Variants in ANO1 observed in about 807,000 individuals in gnomAD.
ANO1 encodes anoctamin 1.
ANO1 carries 59 observed loss-of-function variants against 124.0 expected under a neutral mutation model. That is an observed-to-expected ratio of 0.48 (90% CI 0.39 to 0.59). The LOEUF is 0.59. ANO1 is among the 20% of genes least tolerant of loss of function. The probability of loss-of-function intolerance (pLI) is 0.00; values close to 1 mark genes in which losing one functional copy is unlikely to be tolerated. For synonymous variants in ANO1, 529 were observed against 532.0 expected (o/e 0.99, Z 0.08); for missense variants, 1,059 against 1,328.0 (o/e 0.80, Z 3.15).
At chr11:70,064,396 GT>G (rs1565172138) in intron 1 of ANO1, 1 of 152,362 alleles carries the variant, frequency 6.6e-6, no homozygotes, top group Middle Eastern at 3.4e-3. Context: ...TTCCTGTGTG[GT>G]CCCTTGCTCT....
At chr11:69,967,575 C>G in the ANO1 span, among the ~76,000 whole-genome samples, 7 of 152,236 alleles carry the variant, frequency 4.6e-5, 1 homozygote, top group South Asian at 1.4e-3. Flanking sequence ...GCCATCCACC[C>G]CAGAGGACTC....
upstream of ANO1, among the ~76,000 whole-genome samples, chr11:69,984,330 C>A (rs966527412): frequency 6.5e-4 from 98 of 150,174 alleles, no homozygotes; most frequent in African/African-American, 2.3e-3. Flanking sequence ...CTGCCGCCCA[C>A]GGAGAATAAA....
At chr11:70,068,486 A>G (rs1448984043) in intron 1 of ANO1, among the ~76,000 whole-genome samples, 1 of 152,210 alleles carries the variant, frequency 6.6e-6, no homozygotes, top group Non-Finnish European at 1.5e-5. Flanking sequence ...TGCAGGGAGA[A>G]TAATAAGTTG....
intron 22 of ANO1, among the ~76,000 whole-genome samples, chr11:70,178,277 G>A (rs1415730625): frequency 3.3e-5 from 5 of 152,218 alleles, no homozygotes; most frequent in Admixed American, 6.5e-5. Flanking sequence ...ACTTTGTAGG[G>A]CTGTGCCATC....
intron 10 of ANO1, among the ~76,000 whole-genome samples, chr11:70,128,454 C>G (rs2046612390): frequency 6.6e-6 from 1 of 152,260 alleles, no homozygotes; most frequent in Admixed American, 6.5e-5. Context: ...TTCCTTCCTT[C>G]CCTTGGAGGG....
intron 1 of ANO1, among the ~76,000 whole-genome samples, chr11:70,055,516 A>G (rs1857419757): frequency 6.6e-6 from 1 of 152,012 alleles, no homozygotes; most frequent in South Asian, 2.1e-4. Flanking sequence ...TTTGCATGGA[A>G]TATTAGTATT....
At chr11:70,169,287 CA>C (rs2048367683) in intron 21 of ANO1, among the ~76,000 whole-genome samples, 1 of 152,140 alleles carries the variant, frequency 6.6e-6, no homozygotes, top group Non-Finnish European at 1.5e-5. Context: ...GGGAGTGGCT[CA>C]CCCGTTCCCC....
At chr11:69,999,575 A>G (rs984294496) in intron 1 of ANO1, among the ~76,000 whole-genome samples, 3 of 152,196 alleles carry the variant, frequency 2.0e-5, no homozygotes, top group African/African-American at 7.2e-5. Flanking sequence ...TGAGAACATA[A>G]CAGGATTCTA....
At chr11:70,026,336 GTGGTGGTGGTGGTGACGGTGA>G (rs1321922096) in intron 1 of ANO1, among the ~76,000 whole-genome samples, 69 of 150,028 alleles carry the variant, frequency 4.6e-4, no homozygotes, top group African/African-American at 1.6e-3. Flanking sequence ...GGTGGTGGTG[GTGGTGGTGGTGGTGACGGTGA>G]TGGTGGTGGT....
chr11:70,036,602 T>G (rs573371360), intron 1 of ANO1, among the ~76,000 whole-genome samples: 1 of 152,208 alleles, frequency 6.6e-6, no homozygotes, highest in East Asian at 1.9e-4. Context: ...TTTGTGTTTT[T>G]GTTTTGTTTT....
chr11:70,041,055 T>C (rs1290792081), intron 1 of ANO1, among the ~76,000 whole-genome samples: 6 of 152,160 alleles, frequency 3.9e-5, no homozygotes, highest in African/African-American at 1.4e-4. Flanking sequence ...GACTCTCCAT[T>C]GCCCTCCAGC....
Position 70,185,581 on chromosome 11 carries a change from CT to C in ANO1, c.2589-5del. 6.2e-7 allele frequency: 1 copy of C among 1,612,574 alleles called. No homozygotes were observed. The highest frequency in any genetic ancestry group is 8.5e-7 in the Non-Finnish European group (1 of 1,178,922). On this transcript the variant is annotated splice_region_variant and splice_polypyrimidine_tract_variant and intron_variant, in intron 24 of 25. Coordinates refer to ENST00000355303, the MANE Select transcript of ANO1 (RefSeq NM_018043.7). ...GTCCCACCCTCGACTCCACCACGGT[CT>C]TTTGCAGGTATAAAGACTACCGAGA... is the stretch of plus-strand genomic sequence containing the variant.
chr11:70,037,698 C>G (rs1020611243), intron 1 of ANO1, among the ~76,000 whole-genome samples: 1 of 152,114 alleles, frequency 6.6e-6, no homozygotes, highest in Admixed American at 6.5e-5. Context: ...ACTCTATACC[C>G]GAAGCACCTC....
At chr11:69,976,005 G>T in the ANO1 span, among the ~76,000 whole-genome samples, 14,700 of 152,192 alleles carry the variant, frequency 0.097, 977 homozygotes, top group Admixed American at 0.15. Flanking sequence ...GGCCCTTAGG[G>T]ACCGTGCCCG....
At chr11:70,011,556 C>G (rs191811770) in intron 1 of ANO1, among the ~76,000 whole-genome samples, 1 of 152,180 alleles carries the variant, frequency 6.6e-6, no homozygotes, top group Non-Finnish European at 1.5e-5. Flanking sequence ...CTCCCACAAC[C>G]CCCCACCTCT....
chr11:70,161,575 G>C, intron 17 of ANO1, 47 bp from the exon 18 acceptor site: 1 of 1,588,648 alleles, frequency 6.3e-7, no homozygotes, highest in Non-Finnish European at 8.6e-7. Context: ...AGGCTGTTGG[G>C]GGCCATCCCA....
At chr11:70,148,191 C>T (rs77939537) in intron 11 of ANO1, among the ~76,000 whole-genome samples, 169 of 152,264 alleles carry the variant, frequency 1.1e-3, no homozygotes, top group African/African-American at 3.9e-3. Context: ...GCACGGTCAC[C>T]GTCGCACAGC....
intron 2 of ANO1, among the ~76,000 whole-genome samples, chr11:70,101,192 A>G (rs933110313): frequency 2.0e-5 from 3 of 151,900 alleles, no homozygotes; most frequent in African/African-American, 7.3e-5. Context: ...CTGGACCTGG[A>G]AGCTTTGCCC....
rs1169082421 is a variant in ANO1, at chr11:70,027,509, C to T, written c.58+41343C>T. ...AATCCTCAGCGGAACTACCGCAAGC[C>T]AGGGCCCATCTGGGTTGGATGGCTT... On this transcript the variant is annotated intron_variant, in intron 1 of 27. Transcript: ENST00000531349. 2.6e-5 allele frequency among the ~76,000 whole-genome samples: 4 copies of T among 152,234 alleles called. No homozygotes were observed. The East Asian group carries it at 7.7e-4, about 29-fold the overall frequency.
Sources: gnomAD v4.1 joint callset for allele counts (sites outside exome capture counted in the v4.1 genomes callset) on GRCh38, gnomAD v4.1.1 for gene constraint, MANE v1.5 for transcripts, NCBI Gene and HGNC (gene_info 2026-07-23, HGNC 2026-07-21) for gene names.